Variants in DPH6 observed in about 807,000 individuals in gnomAD.
The protein encoded by DPH6 is diphthamine biosynthesis 6.
Under a neutral mutation model 38.2 loss-of-function variants are expected in DPH6, and 33 were observed. The ratio of observed to expected loss-of-function variants is 0.86; its 90% CI spans 0.65 to 1.15. DPH6 has a LOEUF of 1.15. Ranked by LOEUF, DPH6 falls within the 50% of genes most tolerant of loss-of-function variation. The pLI, the probability that DPH6 is intolerant of heterozygous loss-of-function variation, is 0.00. For missense variants in DPH6, 325 were observed against 320.0 expected (o/e 1.02, Z -0.12); for synonymous variants, 108 against 103.0 (o/e 1.05, Z -0.30).
chr15:35,451,348 G>T (rs553182327), intron 4 of DPH6, among the ~76,000 whole-genome samples: 1 of 152,178 alleles, frequency 6.6e-6, no homozygotes, highest in East Asian at 1.9e-4. Context: ...AAAAAATATA[G>T]GTTTTGGAGT....
At chr15:35,354,487 T>C (rs1179344072) in intron 3 of DPH6, among the ~76,000 whole-genome samples, 1 of 152,234 alleles carries the variant, frequency 6.6e-6, no homozygotes, top group Non-Finnish European at 1.5e-5. Context: ...GTTTTTAGCA[T>C]GAAGCGTTGT....
At chr15:35,262,566 C>T (rs765137193) in intron 3 of DPH6, among the ~76,000 whole-genome samples, 1 of 151,812 alleles carries the variant, frequency 6.6e-6, no homozygotes, top group Admixed American at 6.6e-5. Flanking sequence ...ATTAGCTGGG[C>T]GTGGTGGCGG....
At chr15:35,246,948 C>G (rs2051641745) in intron 3 of DPH6, among the ~76,000 whole-genome samples, 1 of 152,130 alleles carries the variant, frequency 6.6e-6, no homozygotes, top group African/African-American at 2.4e-5. Flanking sequence ...CAAAAGTACT[C>G]TAGTTCCATA....
chr15:35,204,762 C>T, the DPH6 span, among the ~76,000 whole-genome samples: 1 of 151,700 alleles, frequency 6.6e-6, no homozygotes, highest in Admixed American at 6.6e-5. Flanking sequence ...TCCCAACATA[C>T]AAAATTTAAA....
At chr15:35,450,577 C>A in intron 5 of DPH6, 108 bp downstream of exon 5, 2 of 929,758 alleles carry the variant, frequency 2.2e-6, no homozygotes, top group Non-Finnish European at 3.3e-6. Context: ...TGTGACTCCA[C>A]ATTTTTATAT....
chr15:35,389,664 C>A (rs1227654382), intron 6 of DPH6, among the ~76,000 whole-genome samples: 1 of 151,506 alleles, frequency 6.6e-6, no homozygotes, highest in African/African-American at 2.4e-5. Flanking sequence ...GGATTGCAAT[C>A]CCTGCCTTTT....
chr15:35,543,736 G>A (rs941243775), intron 1 of DPH6, among the ~76,000 whole-genome samples: 2 of 152,060 alleles, frequency 1.3e-5, no homozygotes, highest in Non-Finnish European at 2.9e-5. Context: ...GAGAGCACAA[G>A]GGCCAAAGTG....
chr15:35,393,031 A>T (rs1446532990), intron 6 of DPH6, among the ~76,000 whole-genome samples: 2 of 152,238 alleles, frequency 1.3e-5, no homozygotes, highest in African/African-American at 4.8e-5. Flanking sequence ...AAGCCATGCT[A>T]AGTCATTATC....
At chr15:35,388,805 C>T (rs1265831792) in intron 6 of DPH6, among the ~76,000 whole-genome samples, 2 of 151,986 alleles carry the variant, frequency 1.3e-5, no homozygotes, top group East Asian at 1.9e-4. Context: ...CCTGGATTCA[C>T]TGATTTTTTG....
intron 3 of DPH6, among the ~76,000 whole-genome samples, chr15:35,249,891 C>T (rs979552717): frequency 1.3e-5 from 2 of 152,154 alleles, no homozygotes; most frequent in East Asian, 1.9e-4. Context: ...CGGCCGGGCG[C>T]GGTGGCTCAC....
chr15:35,293,682 C>T (rs1395662270), intron 3 of DPH6, among the ~76,000 whole-genome samples: 1 of 152,106 alleles, frequency 6.6e-6, no homozygotes, highest in African/African-American at 2.4e-5. Flanking sequence ...GATGATCTAG[C>T]AAGGGGGAAA....
At chr15:35,461,333 A>G (rs988584636) in intron 3 of DPH6, among the ~76,000 whole-genome samples, 1 of 152,174 alleles carries the variant, frequency 6.6e-6, no homozygotes, top group South Asian at 2.1e-4. Context: ...TTGGCCTCCC[A>G]AAGTGCTGGG....
intron 3 of DPH6, among the ~76,000 whole-genome samples, chr15:35,359,604 G>C (rs984872826): frequency 1.3e-5 from 2 of 152,162 alleles, no homozygotes; most frequent in Non-Finnish European, 2.9e-5. Context: ...CTCAGCTCCA[G>C]CTAAAGTCGG....
intron 3 of DPH6, among the ~76,000 whole-genome samples, chr15:35,497,822 T>C (rs1247662334): frequency 1.3e-5 from 2 of 152,296 alleles, no homozygotes; most frequent in Middle Eastern, 3.4e-3. Flanking sequence ...AAGCAACAGA[T>C]ACTTAAAAGA....
chr15:35,522,519 A>C (rs1364826375), intron 3 of DPH6, among the ~76,000 whole-genome samples: 1 of 152,160 alleles, frequency 6.6e-6, no homozygotes. Context: ...ATAAAATAAA[A>C]TAATAAAATC....
chr15:35,407,293 G>A (rs2053307159), intron 6 of DPH6, among the ~76,000 whole-genome samples: 1 of 151,756 alleles, frequency 6.6e-6, no homozygotes, highest in South Asian at 2.1e-4. Context: ...ACACCCTCAG[G>A]TCTGAAAACA....
chr15:35,194,144 T>A, the DPH6 span, among the ~76,000 whole-genome samples: 1 of 152,204 alleles, frequency 6.6e-6, no homozygotes, highest in African/African-American at 2.4e-5. Flanking sequence ...ATACACTTTT[T>A]AATGCTGCCC....
chr15:35,387,270 C>T (rs1298731908), intron 6 of DPH6, among the ~76,000 whole-genome samples: 3 of 152,050 alleles, frequency 2.0e-5, no homozygotes, highest in Non-Finnish European at 4.4e-5. Context: ...TGAAGTCAGG[C>T]AGCATGATGT....
chr15:35,464,681 A>G (rs2054106872), intron 3 of DPH6, among the ~76,000 whole-genome samples: 1 of 152,238 alleles, frequency 6.6e-6, no homozygotes, highest in African/African-American at 2.4e-5. Flanking sequence ...CTTCTATTAA[A>G]CAACCCATCA....
Sources: allele counts gnomAD v4.1 joint callset (sites outside exome capture counted in the v4.1 genomes callset), GRCh38; gene constraint gnomAD v4.1.1; transcripts MANE v1.5; gene names NCBI Gene and HGNC (gene_info 2026-07-23, HGNC 2026-07-21).